Variants in AKAP6 observed in about 807,000 individuals in gnomAD.
The protein encoded by AKAP6 is A-kinase anchor protein 6.
In AKAP6, 58 loss-of-function variants were observed where a neutral mutation model predicts 188.5. That is an observed-to-expected ratio of 0.31 (90% CI 0.25 to 0.38). The LOEUF is 0.38. AKAP6 is among the 10% of genes least tolerant of loss of function. AKAP6 has a pLI of 1.00. For missense variants in AKAP6, 2,710 were observed against 2,740.0 expected (o/e 0.99, Z 0.24); for synonymous variants, 989 against 998.6 (o/e 0.99, Z 0.18).
chr14:32,494,637 G>T (rs1192357030), intron 2 of AKAP6, among the ~76,000 whole-genome samples: 1 of 152,092 alleles, frequency 6.6e-6, no homozygotes, highest in Non-Finnish European at 1.5e-5. Flanking sequence ...CTTTCACTGG[G>T]ACTTCCTGGG....
At chr14:32,392,090 A>G (rs1014090317) in intron 1 of AKAP6, among the ~76,000 whole-genome samples, 3 of 152,250 alleles carry the variant, frequency 2.0e-5, no homozygotes, top group Non-Finnish European at 2.9e-5. Flanking sequence ...GAACCTAACT[A>G]TCACACATGA....
At chr14:32,420,471 A>C (rs889272429) in intron 1 of AKAP6, among the ~76,000 whole-genome samples, 3 of 151,694 alleles carry the variant, frequency 2.0e-5, no homozygotes, top group Non-Finnish European at 4.4e-5. Context: ...TATTAACACT[A>C]TTTAAGTGCA....
intron 2 of AKAP6, among the ~76,000 whole-genome samples, chr14:32,491,654 A>G (rs958805893): frequency 1.3e-5 from 2 of 152,214 alleles, no homozygotes; most frequent in Non-Finnish European, 2.9e-5. Flanking sequence ...CTCCTTTACA[A>G]GAAGAGGAAA....
At chr14:32,723,101 T>C (rs374861485) in intron 9 of AKAP6, among the ~76,000 whole-genome samples, 2 of 152,296 alleles carry the variant, frequency 1.3e-5, no homozygotes, top group South Asian at 2.1e-4. Flanking sequence ...GGGGTTTAAC[T>C]GCAAGTGGCC....
chr14:32,646,391 A>G (rs1446974142), intron 7 of AKAP6, among the ~76,000 whole-genome samples: 1 of 152,140 alleles, frequency 6.6e-6, no homozygotes, highest in Non-Finnish European at 1.5e-5. Context: ...AGAGACATAA[A>G]TAGAGATTCT....
chr14:32,547,098 C>A, intron 4 of AKAP6, 99 bp downstream of exon 4: 1 of 1,130,346 alleles, frequency 8.8e-7, no homozygotes. Flanking sequence ...AAATGTATGG[C>A]TATTTTTGAT....
At chr14:32,792,671 G>A (rs4981162) in intron 12 of AKAP6, among the ~76,000 whole-genome samples, 30,837 of 152,106 alleles carry the variant, frequency 0.2, 3,443 homozygotes, top group East Asian at 0.34. Context: ...TAGGAGTGGT[G>A]AGAGAAGGCA....
At position 32,451,879 on chromosome 14, in the gene AKAP6, G is replaced by A. The variant is rs140569645; in HGVS notation, c.324+18062G>A. 3.6e-3 allele frequency among the ~76,000 whole-genome samples: 544 copies of A among 152,112 alleles called. 3 individuals carry two copies. Among genetic ancestry groups the A allele is most frequent in the African/African-American group, 0.011 (477 of 41,512 alleles). On this transcript the variant is annotated intron_variant, in intron 2 of 13. Coordinates refer to ENST00000280979, the MANE Select transcript of AKAP6 (RefSeq NM_004274.5). ...AAATTGTATAGAATTCTATTGGATA[G>A]TGCTGATTGATGTCTTAACCCTACT... is the stretch of plus-strand genomic sequence containing the variant.
rs537878561 is a variant in AKAP6 at position 32,827,350 on chromosome 14, GT to G, written c.*43-2485del. ...AAATTCACCAAATTCCATTTGCTTGGTTTTTTTTTTTTTCCAGAACTAAGTT... is the reference window on the plus strand; with the variant it reads ...AAATTCACCAAATTCCATTTGCTTGGTTTTTTTTTTTTCCAGAACTAAGTT... On this transcript the variant is annotated intron_variant, in intron 13 of 13. Transcript: ENST00000280979. Among the ~76,000 whole-genome samples the G allele has an allele frequency of 3.4e-3, 481 of 142,400 alleles. 2 individuals are homozygous for G. The highest frequency in any genetic ancestry group is 8.2e-3 in the African/African-American group (322 of 39,140). The allele number at this position is 142,400 out of a possible 152,430, so 93.4% of individuals were successfully genotyped here.
chr14:32,368,823 A>C (rs1566467924), intron 1 of AKAP6, among the ~76,000 whole-genome samples: 1 of 152,004 alleles, frequency 6.6e-6, no homozygotes, highest in Non-Finnish European at 1.5e-5. Flanking sequence ...GACCAAAATA[A>C]GACTAAATAA....
chr14:32,460,054 G>A (rs1358411820), intron 2 of AKAP6, among the ~76,000 whole-genome samples: 1 of 152,044 alleles, frequency 6.6e-6, no homozygotes, highest in Non-Finnish European at 1.5e-5. Flanking sequence ...AATTAGTCTT[G>A]CCAAAAAAGA....
At chr14:32,466,567 GC>G (rs1878444270) in intron 2 of AKAP6, among the ~76,000 whole-genome samples, 1 of 151,866 alleles carries the variant, frequency 6.6e-6, no homozygotes, top group Admixed American at 6.6e-5. Context: ...ACACACCAGA[GC>G]CTGTTGGGGG....
chr14:32,362,698 GA>G (rs963334986), intron 1 of AKAP6, among the ~76,000 whole-genome samples: 22 of 152,314 alleles, frequency 1.4e-4, no homozygotes, highest in African/African-American at 5.1e-4. Flanking sequence ...TTACAGAGGG[GA>G]GGTAGGACAT....
intron 2 of AKAP6, among the ~76,000 whole-genome samples, chr14:32,443,701 G>A (rs1890665917): frequency 6.6e-6 from 1 of 152,076 alleles, no homozygotes; most frequent in Admixed American, 6.5e-5. Context: ...CACATGATTT[G>A]TTTGAACTTC....
Position 32,798,088 on chromosome 14 carries a change from T to G in AKAP6, c.3589-23314T>G, listed in dbSNP as rs1209253065. Among the ~76,000 whole-genome samples, 3 of 152,144 alleles carry G rather than the reference T, an allele frequency of 2.0e-5. No individual in the cohort carries two copies. In the South Asian group the frequency reaches 6.2e-4, roughly 32 times the overall value. On this transcript the variant is annotated intron_variant, in intron 12 of 13. Coordinates refer to ENST00000280979, the MANE Select transcript of AKAP6 (RefSeq NM_004274.5). ...CCTTTTAAAAAATGAGCAAAGGACATGAACAGACACTTCTCAAAAGAAAAC... is the reference window on the plus strand; with the variant it reads ...CCTTTTAAAAAATGAGCAAAGGACAGGAACAGACACTTCTCAAAAGAAAAC...
At chr14:32,540,838 T>A (rs1490768230) in intron 3 of AKAP6, among the ~76,000 whole-genome samples, 4 of 152,054 alleles carry the variant, frequency 2.6e-5, no homozygotes, top group Non-Finnish European at 5.9e-5. Context: ...AAATACTATA[T>A]ACTGTTTTTG....
At chr14:32,366,624 C>T (rs1887843250) in intron 1 of AKAP6, among the ~76,000 whole-genome samples, 1 of 152,164 alleles carries the variant, frequency 6.6e-6, no homozygotes, top group Non-Finnish European at 1.5e-5. Context: ...TATTTTATCT[C>T]TTGCTGTGCT....
chr14:32,794,420 C>T (rs2033700985), intron 12 of AKAP6, among the ~76,000 whole-genome samples: 1 of 152,062 alleles, frequency 6.6e-6, no homozygotes, highest in African/African-American at 2.4e-5. Flanking sequence ...ATTAGCAATG[C>T]ATGGTGGTGC....
chr14:32,423,381 T>C (rs542413222), intron 1 of AKAP6, among the ~76,000 whole-genome samples: 2 of 152,160 alleles, frequency 1.3e-5, no homozygotes, highest in South Asian at 4.2e-4. Context: ...GGTTTTATTA[T>C]GTTTTCCAGG....
Sources: gnomAD v4.1 joint callset for allele counts (sites outside exome capture counted in the v4.1 genomes callset) on GRCh38, gnomAD v4.1.1 for gene constraint, MANE v1.5 for transcripts, NCBI Gene and HGNC (gene_info 2026-07-23, HGNC 2026-07-21) for gene names.